Variants in BEST3 observed in about 807,000 individuals in gnomAD.
BEST3 encodes bestrophin 3.
A neutral mutation model predicts 47.1 loss-of-function variants in BEST3; 50 were observed. The ratio of observed to expected loss-of-function variants is 1.06; its 90% CI spans 0.85 to 1.34. BEST3 has a LOEUF of 1.34. Among genes scored for constraint, BEST3 ranks in the 40% most tolerant of loss-of-function variants. The pLI, the probability that BEST3 is intolerant of heterozygous loss-of-function variation, is 0.00. For synonymous variants in BEST3, 282 were observed against 298.8 expected, an observed-to-expected ratio of 0.94 and a Z score of 0.58; for missense variants, 765 against 817.0, an observed-to-expected ratio of 0.94 and a Z score of 0.78.
intron 9 of BEST3, among the ~76,000 whole-genome samples, chr12:69,644,156 C>A (rs181153031): frequency 2.0e-5 from 3 of 152,248 alleles, no homozygotes; most frequent in Admixed American, 6.5e-5. Flanking sequence ...TAGGGTTGGG[C>A]TATATCCTTC....
chr12:69,666,952 G>T (rs1282990325), intron 9 of BEST3, among the ~76,000 whole-genome samples: 5 of 152,134 alleles, frequency 3.3e-5, no homozygotes, highest in African/African-American at 4.8e-5. Flanking sequence ...ATCCTCTCCT[G>T]TTTAAATGAC....
chr12:69,692,462 C>T (rs1565843694), intron 4 of BEST3, among the ~76,000 whole-genome samples: 1 of 152,296 alleles, frequency 6.6e-6, no homozygotes, highest in East Asian at 1.9e-4. Context: ...CTTTGAGGCA[C>T]AAGAGACAAG....
chr12:69,676,061 T>A (rs1238989232), intron 7 of BEST3, among the ~76,000 whole-genome samples: 1 of 152,220 alleles, frequency 6.6e-6, no homozygotes, highest in African/African-American at 2.4e-5. Context: ...ATCAGGTCTC[T>A]GATATTTACA....
chr12:69,675,484 T>C (rs1006815794), intron 7 of BEST3, among the ~76,000 whole-genome samples: 2 of 152,214 alleles, frequency 1.3e-5, no homozygotes, highest in Non-Finnish European at 2.9e-5. Flanking sequence ...GGAACCATTA[T>C]CTGCTCTTTA....
intron 4 of BEST3, among the ~76,000 whole-genome samples, chr12:69,686,038 G>T (rs567334156): frequency 6.6e-6 from 1 of 152,216 alleles, no homozygotes; most frequent in East Asian, 1.9e-4. Flanking sequence ...CTACAGAGGG[G>T]TGACTTACTC....
intron 9 of BEST3, chr12:69,670,172 GC>G (rs905709880): frequency 2.4e-5 from 8 of 335,040 alleles, no homozygotes; most frequent in Admixed American, 1.6e-4. Context: ...ATGAAGCTCT[GC>G]CCCTGCAGAA....
chr12:69,644,063 GT>G, intron 9 of BEST3, among the ~76,000 whole-genome samples: 1 of 152,310 alleles, frequency 6.6e-6, no homozygotes, highest in South Asian at 2.1e-4. Flanking sequence ...ATACCCAAGA[GT>G]TTAAGTTGTT....
intron 9 of BEST3, among the ~76,000 whole-genome samples, chr12:69,656,467 T>C (rs1171866022): frequency 1.3e-5 from 2 of 151,870 alleles, no homozygotes; most frequent in Non-Finnish European, 1.5e-5. Context: ...CAAGGACCCA[T>C]AAAACCCCCC....
At chr12:69,660,012 C>T (rs1043413814) in intron 9 of BEST3, 1 of 151,994 alleles carries the variant, frequency 6.6e-6, no homozygotes, top group African/African-American at 2.4e-5. Flanking sequence ...AGCACTGTCT[C>T]TGTGGTGGGA....
rs577334945 is a variant in BEST3 at position 69,699,283 on chromosome 12, C to A, written c.-94G>T. 2 of 985,392 alleles carry A rather than the reference C, an allele frequency of 2.0e-6. No homozygotes were observed. The highest frequency in any genetic ancestry group is 1.1e-4 in the East Asian group (1 of 8,806). The allele number at this position is 985,392 out of a possible 1,614,324, so 61.0% of individuals were successfully genotyped here. A position where few individuals can be genotyped will look rare whatever the true frequency, so the allele number is the denominator to read the frequency against. On this transcript the variant is annotated 5_prime_UTR_variant, in exon 1 of 10. Transcript: ENST00000330891. ...CTCCCCCGAAGAGGTGCCTTCAGGTCGGTGCTGCACGCCCGGTGTCACCCT... is the reference window on the plus strand; with the variant it reads ...CTCCCCCGAAGAGGTGCCTTCAGGTAGGTGCTGCACGCCCGGTGTCACCCT...
At chr12:69,665,669 A>G (rs886678451) in intron 9 of BEST3, among the ~76,000 whole-genome samples, 1 of 152,102 alleles carries the variant, frequency 6.6e-6, no homozygotes, top group Non-Finnish European at 1.5e-5. Flanking sequence ...TACTGAAGAC[A>G]AAACAAAAAA....
In BEST3 at chr12:69,671,699, A is replaced by G. The variant is rs1465210818; in HGVS notation, c.949-120T>C. 12 of 873,632 alleles carry G rather than the reference A, an allele frequency of 1.4e-5. No homozygotes were observed. In the African/African-American group the frequency reaches 2.0e-4, roughly 15 times the overall value. 54.1% of individuals were successfully genotyped at this position (873,632 alleles called of 1,614,324 possible). ...ACACAGTCTAAATGAGTGAATATAC[A>G]AATGTCTGTAGTTCATACTTGCCAT... On this transcript the variant is annotated intron_variant, in intron 8 of 9. Coordinates refer to ENST00000330891, the MANE Select transcript of BEST3 (RefSeq NM_032735.3).
At chr12:69,672,370 T>C (rs1848839856) in intron 8 of BEST3, among the ~76,000 whole-genome samples, 2 of 152,242 alleles carry the variant, frequency 1.3e-5, no homozygotes, top group South Asian at 4.1e-4. Flanking sequence ...CTCTCTGGAA[T>C]AGTGCTTCAG....
intron 4 of BEST3, among the ~76,000 whole-genome samples, chr12:69,680,705 C>T (rs1315973799): frequency 6.6e-6 from 1 of 152,096 alleles, no homozygotes; most frequent in Non-Finnish European, 1.5e-5. Flanking sequence ...CTTTTCCCAG[C>T]CATAAAATTT....
In BEST3 at chr12:69,654,652, T is replaced by C. The variant is rs760347675; in HGVS notation, c.*255A>G. 3.4e-5 allele frequency: 42 copies of C among 1,220,154 alleles called. No homozygotes were observed. The highest frequency in any genetic ancestry group is 4.0e-5 in the Non-Finnish European group (39 of 977,220). 75.6% of individuals were successfully genotyped at this position (1,220,154 alleles called of 1,614,324 possible). ...CAGATTCCTTTTTTTGGTTAAGACT[T>C]ATTTGGCTAAATCACTGTGGTCTGT... On this transcript the variant is annotated 3_prime_UTR_variant, in exon 10 of 10. Coordinates refer to ENST00000330891, the MANE Select transcript of BEST3 (RefSeq NM_032735.3).
intron 5 of BEST3, among the ~76,000 whole-genome samples, chr12:69,677,795 G>C (rs1024266772): frequency 6.6e-6 from 1 of 152,040 alleles, no homozygotes; most frequent in East Asian, 1.9e-4. Context: ...CAAAAAAAAA[G>C]GACTTCATAG....
rs115803921 is a variant in BEST3 at position 69,672,713 on chromosome 12, G to A, written c.948+172C>T. Among the ~76,000 whole-genome samples, 1,174 of 152,254 alleles carry A rather than the reference G, an allele frequency of 7.7e-3. 16 individuals carry two copies. The highest frequency in any genetic ancestry group is 0.027 in the African/African-American group (1,103 of 41,530). On this transcript the variant is annotated intron_variant, in intron 8 of 9. Transcript: ENST00000330891. ...TAAATTTCACTGGAGCTGAAATCTC[G>A]GATGTGTAAGCTTCTGAAAGGACCT...
intron 9 of BEST3, among the ~76,000 whole-genome samples, chr12:69,666,261 G>C (rs1884209902): frequency 6.6e-6 from 1 of 152,190 alleles, no homozygotes; most frequent in Non-Finnish European, 1.5e-5. Flanking sequence ...CAAGTGATCT[G>C]CCTGCCTTGG....
At chr12:69,681,937 C>T (rs943258487) in intron 4 of BEST3, among the ~76,000 whole-genome samples, 12 of 151,846 alleles carry the variant, frequency 7.9e-5, no homozygotes, top group African/African-American at 2.4e-4. Flanking sequence ...AAAAATTAGC[C>T]GGGTGTAGTG....
Sources: gnomAD v4.1 joint callset for allele counts (sites outside exome capture counted in the v4.1 genomes callset) on GRCh38, gnomAD v4.1.1 for gene constraint, MANE v1.5 for transcripts, NCBI Gene and HGNC (gene_info 2026-07-23, HGNC 2026-07-21) for gene names.